The following DPP4 variants were observed in gnomAD, a reference collection of about 807,000 sequenced individuals.
The protein encoded by DPP4 is ADCP-2.
In DPP4, 93 loss-of-function variants were observed where a neutral mutation model predicts 122.4. That is an observed-to-expected ratio of 0.76 (90% confidence interval 0.64 to 0.90). The LOEUF (loss-of-function observed/expected upper bound fraction) is 0.90, where lower values mean the gene tolerates loss of function less well. Among genes scored for constraint, DPP4 ranks in the 40% least tolerant of loss-of-function variants. The pLI, the probability that DPP4 is intolerant of heterozygous loss-of-function variation, is 0.00. For synonymous variants in DPP4, 321 were observed against 302.9 expected (o/e 1.06, Z -0.62); for missense variants, 914 against 907.3 (o/e 1.01, Z -0.09).
At chr2:162,026,103 T>G (rs1329662628) in intron 10 of DPP4, among the ~76,000 whole-genome samples, 2 of 152,200 alleles carry the variant, frequency 1.3e-5, no homozygotes, top group South Asian at 2.1e-4. Flanking sequence ...CATAGCTTTG[T>G]CCTTCTTCAG....
chr2:162,070,393 A>G (rs1685076559), intron 2 of DPP4, among the ~76,000 whole-genome samples: 1 of 152,104 alleles, frequency 6.6e-6, no homozygotes, highest in Admixed American at 6.5e-5. Flanking sequence ...AGCATTTCAC[A>G]TGGAAATGCT....
At chr2:162,045,662 C>A in intron 4 of DPP4, 50 bp from the exon 5 acceptor site, 6 of 1,327,796 alleles carry the variant, frequency 4.5e-6, no homozygotes, top group Non-Finnish European at 6.5e-6. Context: ...ATTTCATTGC[C>A]ATCACTGTGC....
intron 23 of DPP4, among the ~76,000 whole-genome samples, chr2:161,996,540 A>G (rs1292826794): frequency 2.0e-5 from 3 of 152,212 alleles, no homozygotes; most frequent in Non-Finnish European, 4.4e-5. Context: ...CAGTTTCAAT[A>G]TCAGTGAGCT....
Position 162,074,099 on chromosome 2 carries a change from G to A in DPP4, c.-118C>T, listed in dbSNP as rs999337923. On this transcript the variant is annotated 5_prime_UTR_variant, in exon 1 of 26. Transcript: ENST00000360534. Reference sequence around the variant, plus strand: ...CGGGCGGTGGAGTCACTCGCCGCTGGCAAGTTTCGGCCCCGAGTTAAACAT... The same window carrying A: ...CGGGCGGTGGAGTCACTCGCCGCTGACAAGTTTCGGCCCCGAGTTAAACAT... The A allele has an allele frequency of 2.7e-6, 4 of 1,474,060 alleles. No individual in the cohort carries two copies. Among genetic ancestry groups the A allele is most frequent in the South Asian group, 2.8e-5 (2 of 71,902 alleles). The allele number at this position is 1,474,060 out of a possible 1,614,324, so 91.3% of individuals were successfully genotyped here. A position where few individuals can be genotyped will look rare whatever the true frequency, so the allele number is the denominator to read the frequency against.
chr2:162,040,031 T>C (rs575515639), intron 5 of DPP4, among the ~76,000 whole-genome samples: 26 of 152,182 alleles, frequency 1.7e-4, no homozygotes, highest in African/African-American at 6.0e-4. Context: ...AACATTTTTT[T>C]GCCAATACAT....
Position 161,995,281 on chromosome 2 carries a change from C to A in DPP4, c.2125+19G>T, listed in dbSNP as rs199750595. The stretch of plus-strand genomic sequence containing the variant: ...AAACCTGTCTGTGATACTAAAAAGT[C>A]TAATTAACTGAAACTCACCATCTGC... On this transcript the variant is annotated intron_variant, in intron 24 of 25. Transcript: ENST00000360534. 1 of 1,610,576 alleles carries A rather than the reference C, an allele frequency of 6.2e-7. No homozygotes were observed. The highest frequency in any genetic ancestry group is 8.5e-7 in the Non-Finnish European group (1 of 1,176,902).
chr2:162,025,077 C>T, intron 10 of DPP4, 138 bp from the exon 11 acceptor site: 1 of 911,038 alleles, frequency 1.1e-6, no homozygotes, highest in South Asian at 2.0e-5. Flanking sequence ...GTTAATGAAA[C>T]CATTTAATAT....
At chr2:162,004,006 G>T (rs1701219172) in intron 23 of DPP4, among the ~76,000 whole-genome samples, 1 of 152,150 alleles carries the variant, frequency 6.6e-6, no homozygotes, top group African/African-American at 2.4e-5. Flanking sequence ...GTAAGTTTCT[G>T]AATGGGTGGA....
At chr2:162,051,521 GAA>G (rs1356085820) in intron 2 of DPP4, among the ~76,000 whole-genome samples, 3 of 152,200 alleles carry the variant, frequency 2.0e-5, no homozygotes, top group African/African-American at 4.8e-5. Flanking sequence ...CATAACTGTG[GAA>G]AGTTGTTAAA....
At chr2:162,025,019 T>C in intron 10 of DPP4, 80 bp from the exon 11 acceptor site, 4 of 1,487,350 alleles carry the variant, frequency 2.7e-6, no homozygotes, top group Non-Finnish European at 2.7e-6. Context: ...ATAGACATTT[T>C]ACTCAGTGAA....
intron 2 of DPP4, among the ~76,000 whole-genome samples, chr2:162,048,511 G>A (rs573219866): frequency 1.3e-5 from 2 of 152,102 alleles, no homozygotes; most frequent in Admixed American, 6.5e-5. Flanking sequence ...AGCCCTCCAC[G>A]ACCGACACAA....
chr2:162,028,275 C>T (rs1489579703), intron 10 of DPP4, among the ~76,000 whole-genome samples: 3 of 151,984 alleles, frequency 2.0e-5, no homozygotes, highest in African/African-American at 4.8e-5. Context: ...GGCAGGAGAA[C>T]TAATTGAACC....
At chr2:162,010,451 A>G (rs1215669056) in intron 20 of DPP4, among the ~76,000 whole-genome samples, 2 of 152,198 alleles carry the variant, frequency 1.3e-5, no homozygotes, top group Admixed American at 6.5e-5. Flanking sequence ...ATTCAACAGT[A>G]TATGCAATTC....
chr2:162,022,752 T>TA lies in DPP4; in HGVS notation c.1068+2dup. The TA allele has an allele frequency of 6.2e-7, 1 of 1,614,050 alleles. No individual in the cohort carries two copies. The highest frequency in any genetic ancestry group is 1.6e-4 in the Middle Eastern group (1 of 6,062). ...ATAAAACCCCACAACTTATAACACT[T>TA]ACTCTTCCAACCCAGCCAGTAGTAC... is the stretch of plus-strand genomic sequence containing the variant. On this transcript the variant is annotated splice_region_variant and intron_variant, in intron 12 of 25. Transcript: ENST00000360534.
chr2:162,055,652 A>G (rs1183355763), intron 2 of DPP4, among the ~76,000 whole-genome samples: 2 of 151,920 alleles, frequency 1.3e-5, no homozygotes. Context: ...AGCCTGGGCA[A>G]CAAAGTGAAA....
chr2:162,050,688 C>G (rs986718243), intron 2 of DPP4, among the ~76,000 whole-genome samples: 2 of 152,220 alleles, frequency 1.3e-5, no homozygotes, highest in African/African-American at 4.8e-5. Flanking sequence ...TTGTTTTTAG[C>G]CTTGCCATTT....
chr2:161,993,066 CCGGA>C lies in DPP4; in HGVS notation c.*213_*216del. On this transcript the variant is annotated 3_prime_UTR_variant, in exon 26 of 26. Coordinates refer to ENST00000360534, the MANE Select transcript of DPP4 (RefSeq NM_001935.4). ...AATGATTTTAAACAATAAAACCCGA[CCGGA>C]TAATTCAAACTTCTGTAAGGTAATA... is the stretch of plus-strand genomic sequence containing the variant. 1 of 430,478 alleles carries C rather than the reference CCGGA, an allele frequency of 2.3e-6. No individual in the cohort carries two copies. Among genetic ancestry groups the C allele is most frequent in the Non-Finnish European group, 4.2e-6 (1 of 237,950 alleles). The allele number at this position is 430,478 out of a possible 1,614,324, so 26.7% of individuals were successfully genotyped here.
intron 2 of DPP4, among the ~76,000 whole-genome samples, chr2:162,052,134 C>T (rs767550315): frequency 6.6e-6 from 1 of 151,858 alleles, no homozygotes. Flanking sequence ...GACTGACCAA[C>T]ATGGAGAAAC....
chr2:162,025,178 T>C, intron 10 of DPP4, among the ~76,000 whole-genome samples: 1 of 152,188 alleles, frequency 6.6e-6, no homozygotes. Context: ...AACAATATTC[T>C]ACAGTGGCTT....
Sources: gnomAD v4.1 joint callset for allele counts (sites outside exome capture counted in the v4.1 genomes callset) on GRCh38, gnomAD v4.1.1 for gene constraint, MANE v1.5 for transcripts, NCBI Gene and HGNC (gene_info 2026-07-23, HGNC 2026-07-21) for gene names.